ARHGAP18: variants seen among roughly 807,000 people sequenced by gnomAD.
ARHGAP18 encodes Rho GTPase activating protein 18, also known as rho GTPase-activating protein 18.
ARHGAP18 carries 67 observed loss-of-function variants against 86.2 expected under a neutral mutation model. The ratio of observed to expected loss-of-function variants is 0.78; its 90% CI spans 0.64 to 0.95. The LOEUF (loss-of-function observed/expected upper bound fraction) is 0.95, where lower values mean the gene tolerates loss of function less well. Ranked by LOEUF, ARHGAP18 falls within the 40% of genes least tolerant of loss-of-function variation. The pLI, the probability that ARHGAP18 is intolerant of heterozygous loss-of-function variation, is 0.00. For synonymous variants in ARHGAP18, 283 were observed against 280.4 expected (o/e 1.01, Z -0.09); for missense variants, 691 against 780.4 (o/e 0.89, Z 1.37).
At chr6:129,687,082 C>T (rs1368230443) in intron 1 of ARHGAP18, among the ~76,000 whole-genome samples, 3 of 150,726 alleles carry the variant, frequency 2.0e-5, no homozygotes, top group Admixed American at 1.3e-4. Flanking sequence ...ACTCAGCCTC[C>T]GAAAGCTCTG....
At chr6:129,585,515 A>T (rs1237220863) in intron 12 of ARHGAP18, among the ~76,000 whole-genome samples, 1 of 152,176 alleles carries the variant, frequency 6.6e-6, no homozygotes, top group South Asian at 2.1e-4. Flanking sequence ...CTGTACAGTG[A>T]GTATGGGATT....
chr6:129,690,421 A>G (rs879539896), intron 1 of ARHGAP18, among the ~76,000 whole-genome samples: 5 of 152,230 alleles, frequency 3.3e-5, no homozygotes, highest in African/African-American at 4.8e-5. Context: ...CATACAACAT[A>G]TAACTTCTCC....
intron 1 of ARHGAP18, among the ~76,000 whole-genome samples, chr6:129,649,553 CA>C (rs35700328): frequency 0.015 from 758 of 50,012 alleles, 2 homozygotes; most frequent in African/African-American, 0.042. Flanking sequence ...TCTCTGTCTC[CA>C]AAAAAAAAAA....
intron 5 of ARHGAP18, among the ~76,000 whole-genome samples, chr6:129,625,607 T>TATTTATATATTATATATATTTA (rs374778376): frequency 2.5e-5 from 1 of 39,360 alleles, no homozygotes; most frequent in Non-Finnish European, 4.6e-5. Flanking sequence ...ATATTATATA[T>TATTTATATATTATATATATTTA]TATTATATAT....
At position 129,578,581 on chromosome 6, in the gene ARHGAP18, T is replaced by G. The variant is rs759036505; in HGVS notation, c.1924A>C (p.Thr642Pro). The G allele has an allele frequency of 1.2e-6, 2 of 1,611,586 alleles. No individual in the cohort carries two copies. Among genetic ancestry groups the G allele is most frequent in the Non-Finnish European group, 8.5e-7 (1 of 1,178,482 alleles). Residue 642 changes from threonine to proline, a missense_variant, in exon 15 of 15, where the codon ACT (threonine) becomes CCT (proline). Physicochemically the swap from Thr to Pro is conservative, Grantham distance 38 (BLOSUM62 -1). Coordinates refer to ENST00000368149, the MANE Select transcript of ARHGAP18 (RefSeq NM_033515.3). ...NIGERCLDDD[T>P]YMKDLYQLNP... Reference sequence around the variant, plus strand: ...AGCTGATATAAATCCTTCATGTAAGTGTCATCATCAAGGCAGCGTTCCCCT... The same window carrying G: ...AGCTGATATAAATCCTTCATGTAAGGGTCATCATCAAGGCAGCGTTCCCCT...
chr6:129,687,204 C>T lies in ARHGAP18; in HGVS notation c.113+22820G>A, dbSNP rs113668671. Among the ~76,000 whole-genome samples, 313 of 152,034 alleles carry T rather than the reference C, an allele frequency of 2.1e-3. 2 individuals carry two copies. Among genetic ancestry groups the T allele is most frequent in the Middle Eastern group, 6.8e-3 (2 of 294 alleles). ...AGATGTTGAACAGGTATGCAGGGACCAGTTTCTATGCACCCCACCTTTAGG... is the reference window on the plus strand; with the variant it reads ...AGATGTTGAACAGGTATGCAGGGACTAGTTTCTATGCACCCCACCTTTAGG... On this transcript the variant is annotated intron_variant, in intron 1 of 14. Coordinates refer to ENST00000368149, the MANE Select transcript of ARHGAP18 (RefSeq NM_033515.3).
At chr6:129,586,114 CAG>C (rs1719016313) in intron 12 of ARHGAP18, among the ~76,000 whole-genome samples, 1 of 152,188 alleles carries the variant, frequency 6.6e-6, no homozygotes, top group African/African-American at 2.4e-5. Context: ...ACATACAACT[CAG>C]TGACTCCATG....
chr6:129,611,167 G>A (rs1788970841), intron 8 of ARHGAP18, among the ~76,000 whole-genome samples: 1 of 152,210 alleles, frequency 6.6e-6, no homozygotes, highest in African/African-American at 2.4e-5. Context: ...CTCCCAAAGT[G>A]CTAGGATTAC....
At chr6:129,692,761 AC>A (rs910748048) in intron 1 of ARHGAP18, among the ~76,000 whole-genome samples, 44 of 152,320 alleles carry the variant, frequency 2.9e-4, no homozygotes, top group African/African-American at 1.0e-3. Context: ...CAATCCCCGT[AC>A]CTTTGGCTTC....
At chr6:129,623,119 C>T (rs1404966073) in intron 5 of ARHGAP18, among the ~76,000 whole-genome samples, 2 of 151,338 alleles carry the variant, frequency 1.3e-5, no homozygotes, top group African/African-American at 4.9e-5. Context: ...CTTTCCCTGG[C>T]GTGTTGCTCT....
In ARHGAP18 at chr6:129,584,006, C is replaced by G. The variant is rs750170950; in HGVS notation, c.1820G>C (p.Arg607Thr). The G allele has an allele frequency of 8.1e-6, 13 of 1,613,098 alleles. No individual in the cohort carries two copies. Residue 607 changes from arginine (R) to threonine (T), a missense_variant, in exon 13 of 15, where the codon AGG becomes ACG. Arg to Thr is a moderately conservative substitution (Grantham distance 71). Transcript: ENST00000368149. The stretch of plus-strand genomic sequence containing the variant: ...CCTCTACCTTTCTTGGCTGAGAAAC[C>G]TGGCAAGTACATCACTGGCTTTTAG... Reference protein sequence around the residue: ...EELKASDVLARFLSQESGVAQ... With the variant: ...EELKASDVLATFLSQESGVAQ...
At chr6:129,623,151 G>T (rs2114475832) in intron 5 of ARHGAP18, among the ~76,000 whole-genome samples, 1 of 152,044 alleles carries the variant, frequency 6.6e-6, no homozygotes, top group Non-Finnish European at 1.5e-5. Flanking sequence ...TGCATGAGGG[G>T]CCCCTTAGGC....
intron 1 of ARHGAP18, among the ~76,000 whole-genome samples, chr6:129,681,100 C>T (rs1035715745): frequency 6.6e-5 from 10 of 152,166 alleles, no homozygotes; most frequent in African/African-American, 1.2e-4. Context: ...TTTTTTGAGA[C>T]GAAGTCTTAC....
At chr6:129,615,266 T>C (rs1173683177) in intron 7 of ARHGAP18, among the ~76,000 whole-genome samples, 1 of 152,180 alleles carries the variant, frequency 6.6e-6, no homozygotes, top group African/African-American at 2.4e-5. Flanking sequence ...CAGCTCTCCA[T>C]AGATACATGT....
chr6:129,626,629 G>A (rs2114484362), intron 5 of ARHGAP18, among the ~76,000 whole-genome samples: 1 of 150,218 alleles, frequency 6.7e-6, no homozygotes, highest in Admixed American at 6.7e-5. Flanking sequence ...TAATTTTACT[G>A]TATAAAATCC....
chr6:129,630,420 T>C (rs1023652511), intron 4 of ARHGAP18, among the ~76,000 whole-genome samples: 10 of 152,346 alleles, frequency 6.6e-5, no homozygotes, highest in Admixed American at 2.0e-4. Context: ...TTTCTCACTG[T>C]TGACCTTTGA....
intron 1 of ARHGAP18, among the ~76,000 whole-genome samples, chr6:129,647,020 G>A (rs1240682682): frequency 6.6e-6 from 1 of 152,170 alleles, no homozygotes; most frequent in Non-Finnish European, 1.5e-5. Context: ...TGCTTTCCTA[G>A]TGACTGGACT....
rs1773440161 is a variant in ARHGAP18 at position 129,640,721 on chromosome 6, A to G, written c.316+1095T>C. 2.6e-5 allele frequency among the ~76,000 whole-genome samples: 4 copies of G among 152,360 alleles called. No homozygotes were observed. The South Asian group carries it at 8.3e-4, about 32-fold the overall frequency. ...AATTAGATCCTAAGTCATTTAGTTA[A>G]GAAGTCATTGTGTTGAGAAGGAAGT... On this transcript the variant is annotated intron_variant, in intron 2 of 14. Coordinates refer to ENST00000368149, the MANE Select transcript of ARHGAP18 (RefSeq NM_033515.3).
chr6:129,676,394 G>C (rs886107650), intron 1 of ARHGAP18, among the ~76,000 whole-genome samples: 9 of 152,048 alleles, frequency 5.9e-5, no homozygotes, highest in African/African-American at 1.9e-4. Flanking sequence ...CTATTCAAGG[G>C]GGTTTAAGGT....
Sources: gnomAD v4.1 joint callset for allele counts (sites outside exome capture counted in the v4.1 genomes callset) on GRCh38, gnomAD v4.1.1 for gene constraint, MANE v1.5 for transcripts, NCBI Gene and HGNC (gene_info 2026-07-23, HGNC 2026-07-21) for gene names.